Variants in C12orf54 observed in about 807,000 individuals in gnomAD.
C12orf54 encodes the protein chromosome 12 open reading frame 54.
Under a neutral mutation model 26.4 loss-of-function variants are expected in C12orf54, and 24 were observed. That is an observed-to-expected ratio of 0.91 (90% confidence interval 0.66 to 1.28). The LOEUF (loss-of-function observed/expected upper bound fraction) is 1.28. Among genes scored for constraint, C12orf54 ranks in the 50% most tolerant of loss-of-function variants. The pLI, the probability that C12orf54 is intolerant of heterozygous loss-of-function variation, is 0.00. For missense variants in C12orf54, 154 were observed against 150.9 expected, an observed-to-expected ratio of 1.02 and a Z score of -0.11; for synonymous variants, 54 against 47.0, an observed-to-expected ratio of 1.15 and a Z score of -0.61.
the C12orf54 span, among the ~76,000 whole-genome samples, chr12:48,415,525 CTCTCT>C: frequency 6.6e-6 from 1 of 152,126 alleles, no homozygotes; most frequent in Non-Finnish European, 1.5e-5. Context: ...TCTTGAAGCA[CTCTCT>C]TCTCTTGGCT....
chr12:48,416,755 G>A, the C12orf54 span, among the ~76,000 whole-genome samples: 26 of 152,114 alleles, frequency 1.7e-4, no homozygotes, highest in Admixed American at 8.5e-4. Flanking sequence ...CCAGCTACTC[G>A]GGAGGCTGAG....
At chr12:48,450,634 G>A in the C12orf54 span, among the ~76,000 whole-genome samples, 1 of 152,086 alleles carries the variant, frequency 6.6e-6, no homozygotes, top group African/African-American at 2.4e-5. Context: ...AATCAGAAAT[G>A]ATAAGGGGAT....
At chr12:48,417,456 G>T in the C12orf54 span, 2 of 152,266 alleles carry the variant, frequency 1.3e-5, no homozygotes, top group African/African-American at 4.8e-5. Flanking sequence ...TGGAATCAAG[G>T]TTAAAATTCT....
the C12orf54 span, chr12:48,417,400 T>G: frequency 6.6e-6 from 1 of 152,218 alleles, no homozygotes; most frequent in African/African-American, 2.4e-5. Context: ...TCTGCTTCCC[T>G]ATTTCCTCTG....
chr12:48,488,254 C>T (rs1188685492), intron 4 of C12orf54: 6 of 637,540 alleles, frequency 9.4e-6, no homozygotes, highest in Admixed American at 2.1e-5. Flanking sequence ...ACTGGCAGGC[C>T]TCGGCCTAAA....
the C12orf54 span, among the ~76,000 whole-genome samples, chr12:48,468,882 C>G: frequency 6.6e-6 from 1 of 152,272 alleles, no homozygotes; most frequent in East Asian, 1.9e-4. Flanking sequence ...AATTTTACAT[C>G]TGGGTCTCCG....
At chr12:48,437,431 G>A in the C12orf54 span, among the ~76,000 whole-genome samples, 12 of 151,978 alleles carry the variant, frequency 7.9e-5, no homozygotes, top group East Asian at 1.9e-4. Context: ...TACCAAAGCC[G>A]GGCAGAGACA....
chr12:48,445,202 C>T, the C12orf54 span, among the ~76,000 whole-genome samples: 1 of 151,752 alleles, frequency 6.6e-6, no homozygotes, highest in South Asian at 2.1e-4. Flanking sequence ...CATTGATGAA[C>T]GGATGAGTAT....
the C12orf54 span, among the ~76,000 whole-genome samples, chr12:48,475,843 C>T: frequency 2.6e-5 from 4 of 152,180 alleles, no homozygotes; most frequent in East Asian, 1.9e-4. Flanking sequence ...TCCAGGAGAA[C>T]TTCCCCAATC....
chr12:48,492,821 C>T lies in C12orf54; in HGVS notation c.194-126C>T, dbSNP rs550749366. 2.2e-5 allele frequency: 17 copies of T among 769,248 alleles called. 1 individual carries two copies. The South Asian group carries it at 2.5e-4, about 11-fold the overall frequency. The allele number at this position is 769,248 out of a possible 1,614,324, so 47.7% of individuals were successfully genotyped here. A position where few individuals can be genotyped will look rare whatever the true frequency, so the allele number is the denominator to read the frequency against. ...CTCTCTGATGGGCCTGTTAGGTGGT[C>T]AGTGTCCCTTCAAGTCTGGACCCTC... On this transcript the variant is annotated intron_variant, in intron 6 of 8. Coordinates refer to ENST00000548364, the MANE Select transcript of C12orf54 (RefSeq NM_152319.4).
chr12:48,457,819 A>G, the C12orf54 span, among the ~76,000 whole-genome samples: 1 of 152,166 alleles, frequency 6.6e-6, no homozygotes, highest in African/African-American at 2.4e-5. Context: ...CGGGAGAAGC[A>G]GCTATGAGGC....
the C12orf54 span, among the ~76,000 whole-genome samples, chr12:48,421,509 G>A: frequency 8.5e-6 from 1 of 117,828 alleles, no homozygotes; most frequent in Non-Finnish European, 1.7e-5. Flanking sequence ...TCCATATCAT[G>A]TGCTTTTTTT....
chr12:48,471,206 T>C, the C12orf54 span, among the ~76,000 whole-genome samples: 1 of 152,184 alleles, frequency 6.6e-6, no homozygotes, highest in Non-Finnish European at 1.5e-5. Context: ...TGTTTGTCTT[T>C]CTGTGCCTGG....
chr12:48,460,393 C>G, the C12orf54 span, among the ~76,000 whole-genome samples: 3 of 149,706 alleles, frequency 2.0e-5, no homozygotes, highest in Non-Finnish European at 4.5e-5. Flanking sequence ...CATATAAACA[C>G]TGAAGGAATT....
chr12:48,451,250 G>A, the C12orf54 span, among the ~76,000 whole-genome samples: 50 of 151,664 alleles, frequency 3.3e-4, no homozygotes, highest in African/African-American at 1.1e-3. Flanking sequence ...TATCTCAATA[G>A]ATCCATAAAA....
At chr12:48,466,358 A>G in the C12orf54 span, among the ~76,000 whole-genome samples, 2 of 152,140 alleles carry the variant, frequency 1.3e-5, no homozygotes, top group African/African-American at 4.8e-5. Flanking sequence ...ATCCTGGCCC[A>G]CATAGTGAAA....
rs113786359 is a variant in C12orf54, at chr12:48,486,853, G to T, written c.135+127G>T. On this transcript the variant is annotated intron_variant, in intron 4 of 8. Transcript: ENST00000548364. ...TTGATTGACGGTGAAGGATCAACAC[G>T]CTCCCTCCCACCTTGTTCTGTTGCT... 12 of 893,080 alleles carry T rather than the reference G, an allele frequency of 1.3e-5. No individual in the cohort carries two copies. The Admixed American group carries it at 1.6e-4, about 12-fold the overall frequency. 55.3% of individuals were successfully genotyped at this position (893,080 alleles called of 1,614,324 possible).
chr12:48,473,213 T>C, the C12orf54 span: 1 of 1,259,156 alleles, frequency 7.9e-7, no homozygotes, highest in Non-Finnish European at 1.2e-6. Flanking sequence ...ATGAAGATGC[T>C]CAGGTAATGG....
At chr12:48,492,907 G>A in intron 6 of C12orf54, 40 bp from the exon 7 acceptor site, 2 of 1,583,678 alleles carry the variant, frequency 1.3e-6, no homozygotes, top group Non-Finnish European at 1.7e-6. Context: ...ACATGTCCAG[G>A]CCCCTGTAAC....
Sources: allele counts gnomAD v4.1 joint callset (sites outside exome capture counted in the v4.1 genomes callset), GRCh38; gene constraint gnomAD v4.1.1; transcripts MANE v1.5; gene names NCBI Gene and HGNC (gene_info 2026-07-23, HGNC 2026-07-21).